The following LRRTM4 variants were observed in gnomAD, a reference collection of about 807,000 sequenced individuals.
The protein encoded by LRRTM4 is leucine rich repeat transmembrane neuronal 4.
LRRTM4 carries 25 observed loss-of-function variants against 47.6 expected under a neutral mutation model. The ratio of observed to expected loss-of-function variants is 0.53; its 90% CI spans 0.38 to 0.73. The LOEUF (loss-of-function observed/expected upper bound fraction) is 0.73, where lower values mean the gene tolerates loss of function less well. Among genes scored for constraint, LRRTM4 ranks in the 30% least tolerant of loss-of-function variants. The pLI is 0.00. For missense variants in LRRTM4, 638 were observed against 713.4 expected (o/e 0.89, Z 1.20); for synonymous variants, 311 against 269.5 (o/e 1.15, Z -1.51).
chr2:77,100,802 C>A, intron 3 of LRRTM4, among the ~76,000 whole-genome samples: 1 of 149,648 alleles, frequency 6.7e-6, no homozygotes, highest in African/African-American at 2.5e-5. Context: ...AGAGATCATA[C>A]AGAAATATGT....
At chr2:76,960,516 C>T (rs1007502623) in intron 3 of LRRTM4, among the ~76,000 whole-genome samples, 12 of 151,612 alleles carry the variant, frequency 7.9e-5, no homozygotes, top group Admixed American at 6.6e-5. Flanking sequence ...TTTGAAAAAA[C>T]AGAAACTGTG....
At chr2:77,199,704 A>C (rs1053238155) in intron 3 of LRRTM4, among the ~76,000 whole-genome samples, 4 of 152,170 alleles carry the variant, frequency 2.6e-5, no homozygotes, top group African/African-American at 4.8e-5. Context: ...TATCATGAAC[A>C]TTCTATGCTG....
intron 3 of LRRTM4, among the ~76,000 whole-genome samples, chr2:77,485,541 T>C (rs72811285): frequency 0.025 from 3,751 of 152,264 alleles, 68 homozygotes; most frequent in Middle Eastern, 0.051. Context: ...GAAAAGGCTT[T>C]AGATAAGATT....
At chr2:77,457,916 T>C (rs117488244) in intron 3 of LRRTM4, among the ~76,000 whole-genome samples, 2 of 152,268 alleles carry the variant, frequency 1.3e-5, no homozygotes, top group East Asian at 1.9e-4. Context: ...CACAGTTTTA[T>C]TTTAGAGAGT....
intron 3 of LRRTM4, among the ~76,000 whole-genome samples, chr2:77,316,200 G>A (rs552973334): frequency 6.6e-6 from 1 of 152,242 alleles, no homozygotes; most frequent in Non-Finnish European, 1.5e-5. Context: ...ATTTGTAAAT[G>A]GGAACTTTCA....
At chr2:76,771,269 C>T (rs756403162) in intron 3 of LRRTM4, among the ~76,000 whole-genome samples, 10 of 152,124 alleles carry the variant, frequency 6.6e-5, no homozygotes, top group Non-Finnish European at 1.0e-4. Context: ...ATCAGCTCTT[C>T]GGAAACAGTA....
intron 3 of LRRTM4, among the ~76,000 whole-genome samples, chr2:77,479,492 A>AC (rs1213925169): frequency 6.6e-6 from 1 of 152,220 alleles, no homozygotes; most frequent in East Asian, 1.9e-4. Flanking sequence ...GACAGTGTGC[A>AC]CCGTAGCAGG....
intron 3 of LRRTM4, among the ~76,000 whole-genome samples, chr2:76,782,141 G>C (rs1417631320): frequency 6.6e-6 from 1 of 152,226 alleles, no homozygotes; most frequent in East Asian, 1.9e-4. Context: ...CCGCATAAAA[G>C]CTCCACTTTA....
intron 3 of LRRTM4, among the ~76,000 whole-genome samples, chr2:77,505,391 G>A (rs1678728484): frequency 6.6e-6 from 1 of 151,304 alleles, no homozygotes; most frequent in South Asian, 2.1e-4. Flanking sequence ...AAAAAACAGT[G>A]TTTTCCTAGT....
At chr2:77,113,770 G>T (rs1273607771) in intron 3 of LRRTM4, among the ~76,000 whole-genome samples, 2 of 152,068 alleles carry the variant, frequency 1.3e-5, no homozygotes, top group Admixed American at 1.3e-4. Context: ...ACAGGAGGGC[G>T]AGGGGCTGCA....
chr2:77,377,839 ATTTATTTC>A (rs1439205499), intron 3 of LRRTM4, among the ~76,000 whole-genome samples: 1 of 151,940 alleles, frequency 6.6e-6, no homozygotes, highest in Non-Finnish European at 1.5e-5. Context: ...GTCTGAAGGT[ATTTATTTC>A]TTCACTCCTC....
intron 3 of LRRTM4, among the ~76,000 whole-genome samples, chr2:77,081,247 A>AACACAC (rs58897041): frequency 0.018 from 2,485 of 139,950 alleles, 26 homozygotes; most frequent in South Asian, 0.035. Context: ...ACCTGACAGC[A>AACACAC]ACACACACAC....
intron 3 of LRRTM4, among the ~76,000 whole-genome samples, chr2:77,207,677 T>A (rs962776871): frequency 1.3e-5 from 2 of 151,786 alleles, no homozygotes; most frequent in African/African-American, 4.8e-5. Flanking sequence ...TTCTGGATGG[T>A]ATGTAGATTT....
At chr2:76,948,748 A>G (rs908592106) in intron 3 of LRRTM4, among the ~76,000 whole-genome samples, 7 of 151,902 alleles carry the variant, frequency 4.6e-5, no homozygotes, top group Admixed American at 3.9e-4. Context: ...GCCACAAGTT[A>G]TAAGGACTCA....
intron 3 of LRRTM4, among the ~76,000 whole-genome samples, chr2:77,449,596 A>T (rs1431717474): frequency 2.6e-5 from 4 of 152,088 alleles, no homozygotes; most frequent in Non-Finnish European, 5.9e-5. Context: ...TGTGACCTAC[A>T]CTCTGCCAGT....
chr2:77,466,235 G>C (rs1260764429), intron 3 of LRRTM4, among the ~76,000 whole-genome samples: 1 of 152,250 alleles, frequency 6.6e-6, no homozygotes, highest in African/African-American at 2.4e-5. Context: ...ATTGAATGGA[G>C]GTGAAAAGAA....
intron 3 of LRRTM4, among the ~76,000 whole-genome samples, chr2:77,159,856 T>A (rs1346804779): frequency 3.9e-5 from 6 of 152,188 alleles, no homozygotes; most frequent in South Asian, 2.1e-4. Flanking sequence ...ACCATTTGCT[T>A]TAGTTTTAGT....
At chr2:77,169,546 G>A (rs919833598) in intron 3 of LRRTM4, among the ~76,000 whole-genome samples, 16 of 151,480 alleles carry the variant, frequency 1.1e-4, no homozygotes, top group Non-Finnish European at 1.6e-4. Context: ...CTGCTTTCAC[G>A]GATGGGTTAA....
At chr2:77,386,051 C>T (rs1223780045) in intron 3 of LRRTM4, among the ~76,000 whole-genome samples, 1 of 151,840 alleles carries the variant, frequency 6.6e-6, no homozygotes, top group Non-Finnish European at 1.5e-5. Context: ...GCCACCATGC[C>T]CAGCCACATG....
Sources: allele counts gnomAD v4.1 joint callset (sites outside exome capture counted in the v4.1 genomes callset), GRCh38; gene constraint gnomAD v4.1.1; transcripts MANE v1.5; gene names NCBI Gene and HGNC (gene_info 2026-07-23, HGNC 2026-07-21).